BTRC: variants seen among roughly 807,000 people sequenced by gnomAD.
BTRC encodes the protein F-box/WD repeat-containing protein 1A.
Under a neutral mutation model 85.5 loss-of-function variants are expected in BTRC, and 42 were observed. The observed-to-expected ratio is 0.49, with a 90% CI of 0.38 to 0.64. The LOEUF (loss-of-function observed/expected upper bound fraction) is 0.64, where lower values mean the gene tolerates loss of function less well. Among genes scored for constraint, BTRC ranks in the 30% least tolerant of loss-of-function variants. BTRC has a pLI of 0.00. For missense variants in BTRC, 594 were observed against 743.5 expected (o/e 0.80, Z 2.34); for synonymous variants, 255 against 263.3 (o/e 0.97, Z 0.30).
intron 12 of BTRC, among the ~76,000 whole-genome samples, chr10:101,536,935 C>A (rs78372980): frequency 0.019 from 2,941 of 152,190 alleles, 35 homozygotes; most frequent in Non-Finnish European, 0.03. Flanking sequence ...AAGCAAAGAA[C>A]AAGAAAAACC....
At chr10:101,532,453 G>A in intron 8 of BTRC, 21 bp downstream of exon 8, 1 of 1,593,590 alleles carries the variant, frequency 6.3e-7, no homozygotes, top group Non-Finnish European at 8.5e-7. Flanking sequence ...TTCAGTTGTA[G>A]AAAGGTAGCA....
chr10:101,480,804 G>A (rs1214789022), intron 4 of BTRC, among the ~76,000 whole-genome samples: 3 of 152,126 alleles, frequency 2.0e-5, no homozygotes. Context: ...TCAGTTAAAT[G>A]TCTCAAATCC....
Position 101,484,509 on chromosome 10 carries a change from A to G in BTRC, c.324+5052A>G, listed in dbSNP as rs894106688. ...CGGTAATTAAGATCTACAATTCACA[A>G]TGCAGACGTTTGCACTTCCTCTGGG... On this transcript the variant is annotated intron_variant, in intron 4 of 14. Coordinates refer to ENST00000370187, the MANE Select transcript of BTRC (RefSeq NM_033637.4). Among the ~76,000 whole-genome samples the G allele has an allele frequency of 5.3e-5, 8 of 152,196 alleles. No homozygotes were observed. The South Asian group carries it at 1.4e-3, about 28-fold the overall frequency.
intron 4 of BTRC, among the ~76,000 whole-genome samples, chr10:101,493,701 C>T (rs534697245): frequency 6.6e-6 from 1 of 152,286 alleles, no homozygotes; most frequent in South Asian, 2.1e-4. Context: ...TCTTCTCTTG[C>T]ACTTATAGTA....
chr10:101,470,749 A>G (rs1945503336), intron 3 of BTRC, among the ~76,000 whole-genome samples: 1 of 152,190 alleles, frequency 6.6e-6, no homozygotes, highest in Admixed American at 6.5e-5. Context: ...TTTACTATTT[A>G]TACTTAATTC....
chr10:101,551,686 G>A lies in BTRC; in HGVS notation c.*31+795G>A, dbSNP rs1045761484. ...TGGCGGAAGTACATGTTCGCTACAC[G>A]TTTCTGCATCTCTCTTTGCAGTGTT... On this transcript the variant is annotated intron_variant, in intron 14 of 14. Coordinates refer to ENST00000370187, the MANE Select transcript of BTRC (RefSeq NM_033637.4). 3.9e-5 allele frequency among the ~76,000 whole-genome samples: 6 copies of A among 152,346 alleles called. No homozygotes were observed. In the South Asian group the frequency reaches 8.3e-4, roughly 21 times the overall value.
At chr10:101,501,193 A>G (rs1156812803) in intron 4 of BTRC, among the ~76,000 whole-genome samples, 5 of 152,126 alleles carry the variant, frequency 3.3e-5, no homozygotes, top group South Asian at 4.2e-4. Flanking sequence ...GTCTCAAAAA[A>G]AAAAAAAGAG....
intron 2 of BTRC, among the ~76,000 whole-genome samples, chr10:101,442,262 A>ATCTCTCTCTCTCTCACTCTCTC (rs1944702327): frequency 7.7e-6 from 1 of 129,620 alleles, no homozygotes; most frequent in Admixed American, 8.0e-5. Context: ...TTGAATTAGA[A>ATCTCTCTCTCTCTCACTCTCTC]TCTCTCTCTC....
intron 4 of BTRC, among the ~76,000 whole-genome samples, chr10:101,515,401 AATAG>A (rs2062010106): frequency 3.9e-5 from 6 of 152,134 alleles, no homozygotes; most frequent in Admixed American, 3.9e-4. Flanking sequence ...TAAACATCTT[AATAG>A]ATCCAATTTC....
intron 5 of BTRC, among the ~76,000 whole-genome samples, chr10:101,525,473 A>G (rs1247235870): frequency 6.6e-6 from 1 of 152,024 alleles, no homozygotes; most frequent in Admixed American, 6.5e-5. Flanking sequence ...GCCATTCTGT[A>G]TTTCCTTCTT....
chr10:101,528,874 G>A (rs958516420), intron 6 of BTRC, among the ~76,000 whole-genome samples: 3 of 152,062 alleles, frequency 2.0e-5, no homozygotes, highest in East Asian at 1.9e-4. Flanking sequence ...TTCTAATAAA[G>A]CTTTTATCTC....
chr10:101,469,587 T>TA (rs548428504), intron 3 of BTRC, among the ~76,000 whole-genome samples: 30 of 152,322 alleles, frequency 2.0e-4, no homozygotes, highest in Non-Finnish European at 4.0e-4. Flanking sequence ...CAAACCTCTG[T>TA]AAAAAATTTA....
intron 4 of BTRC, among the ~76,000 whole-genome samples, chr10:101,489,716 T>A (rs1258457027): frequency 1.3e-5 from 2 of 152,220 alleles, no homozygotes; most frequent in Non-Finnish European, 2.9e-5. Context: ...AATAAAATTG[T>A]ATTTTTTCCT....
chr10:101,525,152 T>C (rs1443434085), intron 5 of BTRC, among the ~76,000 whole-genome samples: 4 of 152,222 alleles, frequency 2.6e-5, no homozygotes, highest in Non-Finnish European at 5.9e-5. Context: ...GAGATCATCC[T>C]ATTTTATAGG....
chr10:101,539,931 A>G (rs536077720), intron 13 of BTRC, among the ~76,000 whole-genome samples: 5 of 152,304 alleles, frequency 3.3e-5, no homozygotes, highest in African/African-American at 1.2e-4. Context: ...TGCCATCTGT[A>G]TATCTCCTTT....
chr10:101,369,782 A>T (rs1007807441), intron 1 of BTRC, among the ~76,000 whole-genome samples: 11 of 152,216 alleles, frequency 7.2e-5, no homozygotes, highest in Admixed American at 6.5e-4. Context: ...GTCTAATACC[A>T]CAGGGTTCGT....
chr10:101,386,239 G>T (rs1399378144), intron 1 of BTRC, among the ~76,000 whole-genome samples: 1 of 152,080 alleles, frequency 6.6e-6, no homozygotes, highest in African/African-American at 2.4e-5. Context: ...TAAAGATGTG[G>T]TATAACCAAG....
chr10:101,366,416 C>T (rs921628407), intron 1 of BTRC, among the ~76,000 whole-genome samples: 9 of 151,652 alleles, frequency 5.9e-5, no homozygotes, highest in African/African-American at 1.9e-4. Context: ...TCTCTTAAGG[C>T]GCACTTTGTT....
chr10:101,549,432 A>T (rs1464646486), intron 13 of BTRC, among the ~76,000 whole-genome samples: 1 of 148,794 alleles, frequency 6.7e-6, no homozygotes, highest in Non-Finnish European at 1.5e-5. Context: ...CTCTGTCTCT[A>T]AAAAAAATGA....
Sources: allele counts gnomAD v4.1 joint callset (sites outside exome capture counted in the v4.1 genomes callset), GRCh38; gene constraint gnomAD v4.1.1; transcripts MANE v1.5; gene names NCBI Gene and HGNC (gene_info 2026-07-23, HGNC 2026-07-21).